The following SMAGP variants were observed in gnomAD, a reference collection of about 807,000 sequenced individuals.
SMAGP encodes the protein small cell adhesion glycoprotein.
In SMAGP, 7 loss-of-function variants were observed where a neutral mutation model predicts 10.1. The observed-to-expected ratio is 0.70, with a 90% CI of 0.40 to 1.31. The LOEUF (loss-of-function observed/expected upper bound fraction) is 1.31. Among genes scored for constraint, SMAGP ranks in the 50% most tolerant of loss-of-function variants. SMAGP has a pLI of 0.01. For synonymous variants in SMAGP, 49 were observed against 47.2 expected (o/e 1.04, Z -0.16); for missense variants, 113 against 116.5 (o/e 0.97, Z 0.14).
intron 2 of SMAGP, among the ~76,000 whole-genome samples, chr12:51,265,772 T>A (rs907326007): frequency 6.6e-6 from 1 of 152,118 alleles, no homozygotes; most frequent in Non-Finnish European, 1.5e-5. Flanking sequence ...TGGATGGTGG[T>A]GAGGAACATG....
chr12:51,246,339 G>C (rs1048249568), intron 3 of SMAGP: 24 of 581,736 alleles, frequency 4.1e-5, no homozygotes, highest in Non-Finnish European at 6.5e-5. Context: ...ACATGCTTTT[G>C]ATTTCTGACA....
Position 51,246,552 on chromosome 12 carries a change from A to T in SMAGP, c.115+199T>A, listed in dbSNP as rs1944772302. On this transcript the variant is annotated intron_variant, in intron 3 of 3. Transcript: ENST00000603798. ...CATATCTATTTGCGGCCACCTCCCA[A>T]CCTGTCATTTACTGGTAGTGCCTCT... 6.5e-6 allele frequency: 3 copies of T among 460,966 alleles called. No homozygotes were observed. In the South Asian group the frequency reaches 1.4e-4, roughly 22 times the overall value. 28.6% of individuals were successfully genotyped at this position (460,966 alleles called of 1,614,324 possible). A position where few individuals can be genotyped will look rare whatever the true frequency, so the allele number is the denominator to read the frequency against.
intron 2 of SMAGP, 124 bp downstream of exon 2, chr12:51,269,121 C>T (rs1945003375): frequency 9.7e-7 from 1 of 1,035,258 alleles, no homozygotes. Flanking sequence ...CAGGCCCTTC[C>T]TGTGTGAGGC....
intron 1 of SMAGP, 122 bp downstream of exon 1, chr12:51,270,134 C>T (rs998338873): frequency 6.6e-6 from 1 of 152,192 alleles, no homozygotes; most frequent in Non-Finnish European, 1.5e-5. Context: ...CCGCGACCCT[C>T]TGCCCCAGCG....
intron 2 of SMAGP, among the ~76,000 whole-genome samples, chr12:51,251,848 C>A (rs1486950267): frequency 6.6e-6 from 1 of 152,088 alleles, no homozygotes; most frequent in Admixed American, 6.6e-5. Flanking sequence ...TCAGAGGACT[C>A]CCCACCCTCT....
In SMAGP at chr12:51,245,723, G is replaced by A. The variant is rs1026705175; in HGVS notation, c.*218C>T. The stretch of plus-strand genomic sequence containing the variant: ...TGGCCAGTCACAAACACCAGCTCTA[G>A]TAAGAGGGCCTGGTTAAAGATATCA... On this transcript the variant is annotated 3_prime_UTR_variant, in exon 4 of 4. Coordinates refer to ENST00000603798, the MANE Select transcript of SMAGP (RefSeq NM_001031628.2). The A allele has an allele frequency of 2.3e-5, 12 of 520,302 alleles. No individual in the cohort carries two copies. The highest frequency in any genetic ancestry group is 3.8e-5 in the Non-Finnish European group (11 of 291,086). The allele number at this position is 520,302 out of a possible 1,614,324, so 32.2% of individuals were successfully genotyped here.
chr12:51,256,741 CAA>C (rs10660612), intron 2 of SMAGP, among the ~76,000 whole-genome samples: 7 of 145,786 alleles, frequency 4.8e-5, no homozygotes, highest in African/African-American at 2.5e-5. Context: ...AACAAACAAA[CAA>C]AAAAAACACA....
At chr12:51,252,155 G>GC (rs1178175785) in intron 2 of SMAGP, among the ~76,000 whole-genome samples, 1 of 143,594 alleles carries the variant, frequency 7.0e-6, no homozygotes, top group Non-Finnish European at 1.5e-5. Context: ...GTGCAGTGGC[G>GC]CGATGTTGGC....
At chr12:51,252,842 T>C (rs1015107219) in intron 2 of SMAGP, among the ~76,000 whole-genome samples, 1 of 151,868 alleles carries the variant, frequency 6.6e-6, no homozygotes, top group African/African-American at 2.4e-5. Context: ...ATCATTTTTT[T>C]GCACTAAGGA....
intron 2 of SMAGP, among the ~76,000 whole-genome samples, chr12:51,264,602 G>A (rs1250971778): frequency 6.7e-6 from 1 of 150,372 alleles, no homozygotes; most frequent in Admixed American, 6.6e-5. Context: ...CTCCAGCCTG[G>A]GCAACAGAGT....
chr12:51,266,838 A>C (rs1944978707), intron 2 of SMAGP, among the ~76,000 whole-genome samples: 1 of 152,226 alleles, frequency 6.6e-6, no homozygotes, highest in South Asian at 2.1e-4. Flanking sequence ...ATTTTAAAAA[A>C]GAAAAAATGG....
In SMAGP at chr12:51,269,325, A is replaced by C. The variant is rs1345540483; in HGVS notation, c.-38-9T>G. On this transcript the variant is annotated splice_polypyrimidine_tract_variant and intron_variant, in intron 1 of 3. Coordinates refer to ENST00000603798, the MANE Select transcript of SMAGP (RefSeq NM_001031628.2). ...TTGGAGAAGAGGCAGATCTGTAGGA[A>C]GAGGGGCAAAGACAGGAATGTAGCG... 1 of 1,610,394 alleles carries C rather than the reference A, an allele frequency of 6.2e-7. No homozygotes were observed. Among genetic ancestry groups the C allele is most frequent in the South Asian group, 1.1e-5 (1 of 90,998 alleles).
At chr12:51,259,352 G>A (rs1408516305) in intron 2 of SMAGP, among the ~76,000 whole-genome samples, 5 of 151,484 alleles carry the variant, frequency 3.3e-5, no homozygotes, top group South Asian at 2.1e-4. Flanking sequence ...GGGCTCAAGC[G>A]ATCCTCCTGC....
At chr12:51,269,356 G>A (rs369345944) in intron 1 of SMAGP, 40 bp from the exon 2 acceptor site, 1 of 1,551,004 alleles carries the variant, frequency 6.4e-7, no homozygotes. Flanking sequence ...TAGCGGGTGG[G>A]CCCCTATGGC....
At position 51,269,244 on chromosome 12, in the gene SMAGP, C is replaced by A. The variant is rs753039049; in HGVS notation, c.34+1G>T. ...TGGGATTAGGAAAGGCCTTCACCTACCTCTTGGAGAAGGAGTAGTCAGGAG... is the reference window on the plus strand; with the variant it reads ...TGGGATTAGGAAAGGCCTTCACCTAACTCTTGGAGAAGGAGTAGTCAGGAG... On this transcript the variant is annotated splice_donor_variant, in intron 2 of 3. Coordinates refer to ENST00000603798, the MANE Select transcript of SMAGP (RefSeq NM_001031628.2). LOFTEE classifies it high-confidence loss of function. The A allele has an allele frequency of 1.9e-6, 3 of 1,613,856 alleles. No individual in the cohort carries two copies. Among genetic ancestry groups the A allele is most frequent in the Non-Finnish European group, 2.5e-6 (3 of 1,179,798 alleles).
chr12:51,255,877 T>C (rs1350360919), intron 2 of SMAGP, among the ~76,000 whole-genome samples: 1 of 152,180 alleles, frequency 6.6e-6, no homozygotes, highest in African/African-American at 2.4e-5. Flanking sequence ...GTTCACGCAA[T>C]TTTCCTGCCT....
chr12:51,250,723 C>T (rs1393205838), intron 2 of SMAGP, among the ~76,000 whole-genome samples: 1 of 152,068 alleles, frequency 6.6e-6, no homozygotes, highest in Non-Finnish European at 1.5e-5. Context: ...GTGTGGTGTA[C>T]AGCTTCTAAG....
intron 2 of SMAGP, among the ~76,000 whole-genome samples, chr12:51,266,738 T>C (rs547310052): frequency 6.6e-6 from 1 of 152,350 alleles, no homozygotes; most frequent in Non-Finnish European, 1.5e-5. Context: ...ATGAATCCCC[T>C]GTGGATAAGC....
At position 51,266,749 on chromosome 12, in the gene SMAGP, G is replaced by A. The variant is rs533094955; in HGVS notation, c.34+2496C>T. ...TGGAATGAATCCCCTGTGGATAAGC[G>A]GGGACTACTCTACCACTGAATTGTC... is the stretch of plus-strand genomic sequence containing the variant. On this transcript the variant is annotated intron_variant, in intron 2 of 3. Coordinates refer to ENST00000603798, the MANE Select transcript of SMAGP (RefSeq NM_001031628.2). Among the ~76,000 whole-genome samples, 63 of 152,220 alleles carry A rather than the reference G, an allele frequency of 4.1e-4. 1 individual carries two copies. Among genetic ancestry groups the A allele is most frequent in the Non-Finnish European group, 4.7e-4 (32 of 68,030 alleles).
Sources: allele counts gnomAD v4.1 joint callset (sites outside exome capture counted in the v4.1 genomes callset), GRCh38; gene constraint gnomAD v4.1.1; transcripts MANE v1.5; gene names NCBI Gene and HGNC (gene_info 2026-07-23, HGNC 2026-07-21).